Variants in ZNF487 observed in about 807,000 individuals in gnomAD.
ZNF487 encodes the protein KRAB domain only 1.
Under a neutral mutation model 3.0 loss-of-function variants are expected in ZNF487, and 4 were observed. The ratio of observed to expected loss-of-function variants is 1.35; its 90% CI spans 0.66 to 3.08. ZNF487 has a LOEUF of 3.08. Ranked by LOEUF, ZNF487 falls within the 30% of genes most tolerant of loss-of-function variation. The pLI, the probability that ZNF487 is intolerant of heterozygous loss-of-function variation, is 0.01. For synonymous variants in ZNF487, 55 were observed against 34.6 expected, an observed-to-expected ratio of 1.59 and a Z score of -2.06; for missense variants, 146 against 98.7, an observed-to-expected ratio of 1.48 and a Z score of -2.03.
chr10:43,511,364 G>A, the ZNF487 span, among the ~76,000 whole-genome samples: 1 of 152,314 alleles, frequency 6.6e-6, no homozygotes, highest in Middle Eastern at 3.4e-3. Context: ...AGGACGTGCT[G>A]TGTGGAATAC....
At chr10:43,467,499 G>A (rs1001735090) in intron 1 of ZNF487, among the ~76,000 whole-genome samples, 4 of 151,588 alleles carry the variant, frequency 2.6e-5, no homozygotes, top group African/African-American at 7.3e-5. Flanking sequence ...CACTGCGCCC[G>A]ACCTTCAACT....
intron 1 of ZNF487, chr10:43,454,135 T>G (rs989507217): frequency 6.6e-6 from 1 of 152,108 alleles, no homozygotes; most frequent in Non-Finnish European, 1.5e-5. Context: ...TCATTGCAAC[T>G]TCCACCTCCT....
chr10:43,443,528 C>T (rs906474725), intron 1 of ZNF487, among the ~76,000 whole-genome samples: 9 of 150,622 alleles, frequency 6.0e-5, no homozygotes, highest in East Asian at 4.0e-4. Context: ...CACATGCCAC[C>T]GCACCCAGCT....
chr10:43,515,837 C>T, the ZNF487 span, among the ~76,000 whole-genome samples: 5 of 152,112 alleles, frequency 3.3e-5, no homozygotes, highest in Admixed American at 2.6e-4. Context: ...TGCAGCGGTG[C>T]AATCTCGGCT....
chr10:43,505,236 A>T, the ZNF487 span, among the ~76,000 whole-genome samples: 1 of 151,686 alleles, frequency 6.6e-6, no homozygotes, highest in Middle Eastern at 3.4e-3. Context: ...GTATACAAAA[A>T]TTTTTCTCCT....
chr10:43,511,680 C>A, the ZNF487 span, among the ~76,000 whole-genome samples: 3 of 152,174 alleles, frequency 2.0e-5, no homozygotes, highest in Non-Finnish European at 4.4e-5. Flanking sequence ...TGAGCCCATA[C>A]ATAACCTCCA....
the ZNF487 span, among the ~76,000 whole-genome samples, chr10:43,493,312 C>T: frequency 6.6e-6 from 1 of 152,120 alleles, no homozygotes; most frequent in Admixed American, 6.6e-5. Context: ...ATCCTTTGAC[C>T]TACATTTCCG....
At chr10:43,454,734 T>G (rs952297333) in intron 1 of ZNF487, 7 of 152,096 alleles carry the variant, frequency 4.6e-5, no homozygotes, top group Non-Finnish European at 8.8e-5. Flanking sequence ...AAAGCAGAAT[T>G]AAAACAAAAT....
At chr10:43,493,718 ATATATATATATAT>A in the ZNF487 span, among the ~76,000 whole-genome samples, 1 of 17,428 alleles carries the variant, frequency 5.7e-5, no homozygotes, top group Non-Finnish European at 1.7e-4. Context: ...AAATATATAT[ATATATATATATAT>A]ATATATATGG....
chr10:43,463,530 A>G (rs555912881), intron 1 of ZNF487, among the ~76,000 whole-genome samples: 1 of 151,234 alleles, frequency 6.6e-6, no homozygotes, highest in Non-Finnish European at 1.5e-5. Context: ...AGAGTGAAAC[A>G]CTGTCTCGAA....
rs576653362 is a variant in ZNF487 at position 43,482,672 on chromosome 10, G to A, written c.*750G>A. The A allele has an allele frequency of 1.6e-3, 772 of 479,112 alleles. No homozygotes were observed. Among genetic ancestry groups the A allele is most frequent in the Non-Finnish European group, 2.9e-3 (683 of 234,740 alleles). 29.7% of individuals were successfully genotyped at this position (479,112 alleles called of 1,614,324 possible). ...CTGGCGAGAAACCCTATGAGTGTAAGGAATGTGGGAAAACTTTCTCCCAGA... is the reference window on the plus strand; with the variant it reads ...CTGGCGAGAAACCCTATGAGTGTAAAGAATGTGGGAAAACTTTCTCCCAGA... On this transcript the variant is annotated 3_prime_UTR_variant, in exon 4 of 4. Transcript: ENST00000437590.
the ZNF487 span, among the ~76,000 whole-genome samples, chr10:43,493,567 C>T: frequency 1.1e-4 from 16 of 150,830 alleles, no homozygotes; most frequent in East Asian, 3.9e-4. Context: ...GATGCATGCT[C>T]GTAGTCCCAG....
chr10:43,479,610 A>G (rs983110843), intron 3 of ZNF487, among the ~76,000 whole-genome samples: 1 of 151,992 alleles, frequency 6.6e-6, no homozygotes, highest in African/African-American at 2.4e-5. Context: ...GAGAAACCTT[A>G]TTTGTAGTTT....
chr10:43,510,814 G>A, the ZNF487 span, among the ~76,000 whole-genome samples: 2 of 152,174 alleles, frequency 1.3e-5, no homozygotes, highest in Admixed American at 1.3e-4. Flanking sequence ...CCAAAGTGCG[G>A]GGATTATAGG....
chr10:43,501,272 G>A, the ZNF487 span, among the ~76,000 whole-genome samples: 1 of 152,188 alleles, frequency 6.6e-6, no homozygotes, highest in Admixed American at 6.5e-5. Context: ...AGGTCTGGAA[G>A]TTTCTCTGCA....
At chr10:43,490,666 C>T in the ZNF487 span, among the ~76,000 whole-genome samples, 3 of 145,594 alleles carry the variant, frequency 2.1e-5, no homozygotes, top group Non-Finnish European at 3.0e-5. Flanking sequence ...CCCGCCACCA[C>T]GCCTGGCTAA....
chr10:43,523,119 T>C, the ZNF487 span: 1 of 152,240 alleles, frequency 6.6e-6, no homozygotes, highest in African/African-American at 2.4e-5. Context: ...GTGAGATGTA[T>C]GCCTTCAGGA....
At chr10:43,447,093 G>A (rs1271539340) in intron 1 of ZNF487, among the ~76,000 whole-genome samples, 3 of 152,230 alleles carry the variant, frequency 2.0e-5, no homozygotes, top group East Asian at 3.9e-4. Flanking sequence ...GCAGGCTGAG[G>A]CAGGAGAATC....
At position 43,482,452 on chromosome 10, in the gene ZNF487, A is replaced by T; in HGVS notation, c.*530A>T. The T allele has an allele frequency of 2.1e-6, 1 of 470,656 alleles. No individual in the cohort carries two copies. Among genetic ancestry groups the T allele is most frequent in the Non-Finnish European group, 4.3e-6 (1 of 230,656 alleles). The allele number at this position is 470,656 out of a possible 1,614,324, so 29.2% of individuals were successfully genotyped here. On this transcript the variant is annotated 3_prime_UTR_variant, in exon 4 of 4. Transcript: ENST00000437590. Reference sequence around the variant, plus strand: ...GTGGGAAAACTTTTGGATATAGGTCATGCCTTGCAGTACATCAAAGAACAC... The same window carrying T: ...GTGGGAAAACTTTTGGATATAGGTCTTGCCTTGCAGTACATCAAAGAACAC...
Sources: allele counts gnomAD v4.1 joint callset (sites outside exome capture counted in the v4.1 genomes callset), GRCh38; gene constraint gnomAD v4.1.1; transcripts MANE v1.5; gene names NCBI Gene and HGNC (gene_info 2026-07-23, HGNC 2026-07-21).